ATG7: variants seen among roughly 807,000 people sequenced by gnomAD.
ATG7 encodes autophagy related 7, also known as ubiquitin-like modifier-activating enzyme ATG7.
ATG7 carries 70 observed loss-of-function variants against 82.4 expected under a neutral mutation model. That is an observed-to-expected ratio of 0.85 (90% CI 0.70 to 1.04). The LOEUF (loss-of-function observed/expected upper bound fraction) is 1.04, where lower values mean the gene tolerates loss of function less well. Among genes scored for constraint, ATG7 ranks in the 50% least tolerant of loss-of-function variants. The probability of loss-of-function intolerance (pLI) is 0.00; values close to 1 mark genes in which losing one functional copy is unlikely to be tolerated. For synonymous variants in ATG7, 287 were observed against 313.0 expected (o/e 0.92, Z 0.88); for missense variants, 792 against 864.3 (o/e 0.92, Z 1.05).
intron 19 of ATG7, among the ~76,000 whole-genome samples, chr3:11,388,121 C>T (rs1036018980): frequency 3.3e-5 from 5 of 152,124 alleles, no homozygotes; most frequent in African/African-American, 1.2e-4. Flanking sequence ...ATGAGAGTTG[C>T]AACCAGTCCC....
intron 20 of ATG7, among the ~76,000 whole-genome samples, chr3:11,498,735 C>T (rs749411583): frequency 2.0e-5 from 3 of 152,220 alleles, no homozygotes; most frequent in Non-Finnish European, 2.9e-5. Flanking sequence ...TGCTCTTTCT[C>T]CTTTCTGTAG....
chr3:11,279,068 T>A (rs1168412821), intron 1 of ATG7, among the ~76,000 whole-genome samples: 3 of 152,120 alleles, frequency 2.0e-5, no homozygotes, highest in African/African-American at 7.2e-5. Context: ...GCCTGGAGAG[T>A]CCCCACTCCC....
chr3:11,536,566 G>T (rs975130348), intron 20 of ATG7, among the ~76,000 whole-genome samples: 1 of 152,240 alleles, frequency 6.6e-6, no homozygotes, highest in Admixed American at 6.5e-5. Context: ...TAGGGAGGAT[G>T]TTTGTGTTCC....
At chr3:11,303,856 C>T (rs547330917) in intron 5 of ATG7, among the ~76,000 whole-genome samples, 43 of 142,700 alleles carry the variant, frequency 3.0e-4, no homozygotes, top group South Asian at 1.1e-3. Context: ...GGGTGGGTCA[C>T]GAGGTCAGGG....
chr3:11,281,922 G>A (rs1943131738), intron 2 of ATG7, among the ~76,000 whole-genome samples: 1 of 152,156 alleles, frequency 6.6e-6, no homozygotes, highest in African/African-American at 2.4e-5. Flanking sequence ...CCACAGAGAT[G>A]TAATTATTTA....
At chr3:11,409,162 G>A (rs1177744882) in intron 19 of ATG7, among the ~76,000 whole-genome samples, 4 of 152,140 alleles carry the variant, frequency 2.6e-5, no homozygotes, top group African/African-American at 4.8e-5. Flanking sequence ...ATAAAGTCTA[G>A]CCTACCAGTT....
Position 11,393,478 on chromosome 3 carries a change from T to C in ATG7, c.1956+13426T>C, listed in dbSNP as rs574182104. 3.3e-5 allele frequency among the ~76,000 whole-genome samples: 5 copies of C among 152,294 alleles called. 1 individual carries two copies. The highest frequency in any genetic ancestry group is 1.2e-4 in the African/African-American group (5 of 41,564). Reference sequence around the variant, plus strand: ...CATTCATACTGTGTATTCAGAAATATTTAAAAATAAATTACAGATAATAGG... The same window carrying C: ...CATTCATACTGTGTATTCAGAAATACTTAAAAATAAATTACAGATAATAGG... On this transcript the variant is annotated intron_variant, in intron 19 of 20. Coordinates refer to ENST00000693202, the MANE Select transcript of ATG7 (RefSeq NM_001349232.2).
chr3:11,526,667 G>C (rs774977482), intron 20 of ATG7, among the ~76,000 whole-genome samples: 1 of 152,184 alleles, frequency 6.6e-6, no homozygotes, highest in African/African-American at 2.4e-5. Context: ...CACGTAGACA[G>C]TGGTATCTTT....
chr3:11,511,635 C>T lies in ATG7; in HGVS notation c.2080-43176C>T, dbSNP rs899499845. ...TTGGGCGGTCGATGGGACTGGGCGC[C>T]GTGAGCAGGGGGTGGTGCTCGTCGG... On this transcript the variant is annotated intron_variant, in intron 20 of 20. Transcript: ENST00000693202. Among the ~76,000 whole-genome samples the T allele has an allele frequency of 2.7e-3, 407 of 152,282 alleles. 4 individuals are homozygous for T. Among genetic ancestry groups the T allele is most frequent in the Non-Finnish European group, 3.8e-3 (259 of 68,016 alleles).
chr3:11,337,611 G>A (rs748235443), intron 11 of ATG7, among the ~76,000 whole-genome samples: 4 of 151,714 alleles, frequency 2.6e-5, no homozygotes, highest in Admixed American at 6.6e-5. Context: ...AGTTTAAAGG[G>A]CATCTAATTT....
At chr3:11,285,852 T>A (rs1348806281) in intron 3 of ATG7, among the ~76,000 whole-genome samples, 1 of 152,198 alleles carries the variant, frequency 6.6e-6, no homozygotes, top group Non-Finnish European at 1.5e-5. Flanking sequence ...TCCCAGAGAC[T>A]CCCATTCAGT....
At chr3:11,498,846 T>G (rs1282100311) in intron 20 of ATG7, among the ~76,000 whole-genome samples, 1 of 152,236 alleles carries the variant, frequency 6.6e-6, no homozygotes, top group East Asian at 1.9e-4. Flanking sequence ...TCTGAACTCC[T>G]GAAATGGCTG....
chr3:11,567,805 C>T, the ATG7 span, among the ~76,000 whole-genome samples: 3 of 152,188 alleles, frequency 2.0e-5, no homozygotes, highest in Admixed American at 2.0e-4. Context: ...TTCAGTGTCC[C>T]GCTCCCTTCT....
At chr3:11,382,561 T>C (rs2077991281) in intron 19 of ATG7, among the ~76,000 whole-genome samples, 1 of 152,210 alleles carries the variant, frequency 6.6e-6, no homozygotes, top group South Asian at 2.1e-4. Context: ...TCTAAACAGA[T>C]GGTATTTGTC....
At chr3:11,391,965 G>GT (rs143035539) in intron 19 of ATG7, among the ~76,000 whole-genome samples, 4 of 141,876 alleles carry the variant, frequency 2.8e-5, no homozygotes, top group East Asian at 4.6e-4. Context: ...TATTGGGGGG[G>GT]GGGTAATTTC....
At chr3:11,373,992 C>T (rs556592167) in intron 18 of ATG7, among the ~76,000 whole-genome samples, 68 of 152,190 alleles carry the variant, frequency 4.5e-4, no homozygotes, top group Admixed American at 7.9e-4. Flanking sequence ...TATTGTCTTA[C>T]GAGCAAATCA....
chr3:11,540,868 CT>C (rs1288260080), intron 20 of ATG7, among the ~76,000 whole-genome samples: 13 of 99,880 alleles, frequency 1.3e-4, no homozygotes, highest in East Asian at 8.5e-4. Flanking sequence ...ACTGATTTTT[CT>C]TTTTTTTTCC....
chr3:11,318,994 A>C (rs1043263915), intron 9 of ATG7, among the ~76,000 whole-genome samples: 2 of 152,060 alleles, frequency 1.3e-5, no homozygotes, highest in Non-Finnish European at 2.9e-5. Flanking sequence ...CCTGCCCCAT[A>C]TCCCCAGCCT....
chr3:11,428,386 G>A (rs575484153), intron 20 of ATG7, among the ~76,000 whole-genome samples: 11 of 58,282 alleles, frequency 1.9e-4, no homozygotes, highest in Admixed American at 1.0e-3. Context: ...GGAGGTTTGA[G>A]CAGATTGTGA....
Sources: gnomAD v4.1 joint callset for allele counts (sites outside exome capture counted in the v4.1 genomes callset) on GRCh38, gnomAD v4.1.1 for gene constraint, MANE v1.5 for transcripts, NCBI Gene and HGNC (gene_info 2026-07-23, HGNC 2026-07-21) for gene names.